RYR1: variants seen among roughly 807,000 people sequenced by gnomAD.
The protein encoded by RYR1 is ryanodine receptor 1.
In RYR1, 342 loss-of-function variants were observed where a neutral mutation model predicts 583.5. The ratio of observed to expected loss-of-function variants is 0.59; its 90% confidence interval spans 0.54 to 0.64. RYR1 has a LOEUF of 0.64. RYR1 is among the 30% of genes least tolerant of loss of function. RYR1 has a pLI of 0.00. For synonymous variants in RYR1, 2,791 were observed against 2,822.5 expected (o/e 0.99, Z 0.35); for missense variants, 6,032 against 6,917.2 (o/e 0.87, Z 4.54).
At chr19:38,528,926 C>T (rs763691180) in intron 75 of RYR1, 25 bp from the exon 76 acceptor site, 1 of 1,600,638 alleles carries the variant, frequency 6.2e-7, no homozygotes, top group Non-Finnish European at 8.5e-7. Flanking sequence ...GAAACCCTCT[C>T]CCCAAGTCTC....
At chr19:38,502,833 G>T (rs745905053) in intron 48 of RYR1, 47 bp from the exon 49 acceptor site, 7 of 1,579,944 alleles carry the variant, frequency 4.4e-6, no homozygotes, top group Non-Finnish European at 5.1e-6. Flanking sequence ...AGGGGCAGCA[G>T]AGCGGGCCTG....
chr19:38,478,218 C>T (rs1000371257), intron 30 of RYR1, among the ~76,000 whole-genome samples: 2 of 152,082 alleles, frequency 1.3e-5, no homozygotes, highest in East Asian at 1.9e-4. Context: ...CAGACCCCCA[C>T]CCCCATCCTG....
In RYR1 at chr19:38,433,786, C is replaced by CCCCCCCCCCCA; in HGVS notation, c.-44_-43insCCCCCCCCCCA. 6.9e-7 allele frequency: 1 copy of CCCCCCCCCCCA among 1,441,102 alleles called. No individual in the cohort carries two copies. 89.3% of individuals were successfully genotyped at this position (1,441,102 alleles called of 1,614,324 possible). A position where few individuals can be genotyped will look rare whatever the true frequency, so the allele number is the denominator to read the frequency against. On this transcript the variant is annotated 5_prime_UTR_variant, in exon 1 of 106. Coordinates refer to ENST00000359596, the MANE Select transcript of RYR1 (RefSeq NM_000540.3). ...TCCCGCCCAGCCCGCAGCCCCCTCC[C>CCCCCCCCCCCA]TCTGTTCCCCGACCTCAGACCCTGG...
In RYR1 at chr19:38,572,130, G is replaced by GCAGA; in HGVS notation, c.13859_13862dup (p.Glu4621AspfsTer5). On this transcript the variant is annotated frameshift_variant, in exon 95 of 106. Transcript: ENST00000359596. LOFTEE classifies it high-confidence loss of function. ...CTGGGGCTTGGGGGCCGGAGAGGAG[G>GCAGA]CAGAGGGCGATGAGGATGAGAACAT... The GCAGA allele has an allele frequency of 1.2e-6, 2 of 1,613,858 alleles. No individual in the cohort carries two copies. The highest frequency in any genetic ancestry group is 1.7e-6 in the Non-Finnish European group (2 of 1,179,968).
In RYR1 at chr19:38,466,227, G is replaced by A; in HGVS notation, c.3007G>A (p.Gly1003Ser). The change falls in exon 24 of 106, where the codon GGC (glycine) becomes AGC (serine). Residue 1003 changes from glycine to serine, a missense_variant. Coordinates refer to ENST00000359596, the MANE Select transcript of RYR1 (RefSeq NM_000540.3). ...NVWARDRVGQ[G>S]WSYSAVQDIP... The stretch of plus-strand genomic sequence containing the variant: ...GTGGGCCCGAGACCGCGTGGGCCAG[G>A]GCTGGAGCTACAGCGCAGTGCAGGA... 1 of 1,613,460 alleles carries A rather than the reference G, an allele frequency of 6.2e-7. No homozygotes were observed. Among genetic ancestry groups the A allele is most frequent in the African/African-American group, 1.3e-5 (1 of 75,036 alleles).
In RYR1 at chr19:38,483,783, C is replaced by T. The variant is rs1969138314; in HGVS notation, c.4934+267C>T. On this transcript the variant is annotated intron_variant, in intron 33 of 105. Coordinates refer to ENST00000359596, the MANE Select transcript of RYR1 (RefSeq NM_000540.3). This position sits in a 1 kb window ranked among gnomAD's most constrained non-coding sequence, Gnocchi z 6.3. ...GAACCCAGACAATACCCCAAGGACC[C>T]AGACCCACTCCACAGGGCCCCAAAC... Among the ~76,000 whole-genome samples the T allele has an allele frequency of 6.6e-6, 1 of 151,974 alleles. No homozygotes were observed. The highest frequency in any genetic ancestry group is 2.1e-4 in the South Asian group (1 of 4,828).
At chr19:38,504,645 G>T (rs866417077) in intron 50 of RYR1, 103 bp from the exon 51 acceptor site, 2 of 1,489,770 alleles carry the variant, frequency 1.3e-6, no homozygotes, top group Non-Finnish European at 9.3e-7. Context: ...CAGGTTTGGG[G>T]TTCAGGGAGG....
intron 90 of RYR1, among the ~76,000 whole-genome samples, chr19:38,563,742 G>C (rs142651949): frequency 6.6e-6 from 1 of 152,352 alleles, no homozygotes; most frequent in East Asian, 1.9e-4. Flanking sequence ...GCAGAATCAG[G>C]ATTTGAACCC....
rs547811862 is a variant in RYR1, at chr19:38,502,539, G to C, written c.7647G>C (p.Ala2549=). Residue 2549 remains alanine, a synonymous_variant, in exon 48 of 106, where the codon GCG becomes GCC. Transcript: ENST00000359596. ...ATFSTTEMAL[A]LNRYLCLAVL... is the part of the protein sequence containing the mutation. ...TCAGCACCACCGAGATGGCGCTGGC[G>C]CTGAACCGCTACCTGTGCCTGGCCG... 1 of 1,610,150 alleles carries C rather than the reference G, an allele frequency of 6.2e-7. No homozygotes were observed. The highest frequency in any genetic ancestry group is 1.1e-5 in the South Asian group (1 of 90,956).
intron 100 of RYR1, 72 bp downstream of exon 100, chr19:38,580,200 G>C (rs1974135924): frequency 1.2e-6 from 2 of 1,609,498 alleles, no homozygotes; most frequent in Non-Finnish European, 8.5e-7. Flanking sequence ...GAAGGGATAA[G>C]GGCCGGGCAG....
chr19:38,451,564 GAGAGAC>G (rs1568443622), intron 11 of RYR1, among the ~76,000 whole-genome samples, 194 bp from the exon 12 acceptor site: 1 of 152,162 alleles, frequency 6.6e-6, no homozygotes, highest in Non-Finnish European at 1.5e-5. Flanking sequence ...CAGGGACAGA[GAGAGAC>G]AGAGAGGAGA....
intron 70 of RYR1, among the ~76,000 whole-genome samples, chr19:38,524,967 G>T (rs1971403447): frequency 6.6e-6 from 1 of 152,178 alleles, no homozygotes; most frequent in Non-Finnish European, 1.5e-5. Context: ...AGCCAGGCAA[G>T]CATGGTGGTA....
Position 38,526,998 on chromosome 19 carries a change from C to T in RYR1, c.10632C>T (p.Asp3544=). ...GCCTGGCTCTGTCTCCCCAGAAAGA[C>T]ACAGATGAGGAGGTCCGGGAATTTC... ...TLAKTRYALK[D]TDEEVREFLH... Residue 3544 remains aspartate (D), a synonymous_variant, in exon 72 of 106, where the codon GAC becomes GAT. Coordinates refer to ENST00000359596, the MANE Select transcript of RYR1 (RefSeq NM_000540.3). The T allele has an allele frequency of 6.2e-7, 1 of 1,613,920 alleles. No homozygotes were observed. Among genetic ancestry groups the T allele is most frequent in the Non-Finnish European group, 8.5e-7 (1 of 1,179,880 alleles).
In RYR1 at chr19:38,548,429, G is replaced by A. The variant is rs2145790931; in HGVS notation, c.12282+9G>A. The A allele has an allele frequency of 1.2e-6, 2 of 1,612,214 alleles. No individual in the cohort carries two copies. On this transcript the variant is annotated intron_variant, in intron 89 of 105. Coordinates refer to ENST00000359596, the MANE Select transcript of RYR1 (RefSeq NM_000540.3). ...AGAAGGACTTCCAGAAGGTGGGTGT[G>A]GGACATCGTGTGGGCCCAGGACTTG... is the stretch of plus-strand genomic sequence containing the variant.
At chr19:38,439,266 A>G (rs1449152248) in intron 1 of RYR1, among the ~76,000 whole-genome samples, 1 of 150,754 alleles carries the variant, frequency 6.6e-6, no homozygotes, top group Non-Finnish European at 1.5e-5. Flanking sequence ...CTGGAGTGCA[A>G]TCTGGTGGTA....
chr19:38,573,081 C>T lies in RYR1; in HGVS notation c.13999-96C>T, dbSNP rs188765073. 1,008 of 1,583,272 alleles carry T rather than the reference C, an allele frequency of 6.4e-4. 3 individuals carry two copies. Among genetic ancestry groups the T allele is most frequent in the Non-Finnish European group, 5.4e-4 (627 of 1,159,388 alleles). On this transcript the variant is annotated intron_variant, in intron 95 of 105. Transcript: ENST00000359596. ...TGGGAAAGCACTTCTGATGTGGGGT[C>T]ACACACAGACCCCAGCAAGATGTCA...
At chr19:38,449,104 ACAGGGAAAGG>A (rs909157734) in intron 11 of RYR1, among the ~76,000 whole-genome samples, 4 of 152,218 alleles carry the variant, frequency 2.6e-5, no homozygotes, top group Admixed American at 2.0e-4. Flanking sequence ...CTGTAGACAG[ACAGGGAAAGG>A]CAGAGATAAA....
In RYR1 at chr19:38,496,810, A is replaced by G. The variant is rs34812626; in HGVS notation, c.6797-50A>G. 2,038 of 1,538,798 alleles carry G rather than the reference A, an allele frequency of 1.3e-3. 14 individuals are homozygous for G. In the African/African-American group the frequency reaches 0.025, roughly 19 times the overall value. ...GTGGTCAGGGAGGGCTTCCCAGAGGAGGCGAGACAAGCAGGAGTGAGATGT... is the reference window on the plus strand; with the variant it reads ...GTGGTCAGGGAGGGCTTCCCAGAGGGGGCGAGACAAGCAGGAGTGAGATGT... On this transcript the variant is annotated intron_variant, in intron 41 of 105. Transcript: ENST00000359596. This position sits in a 1 kb window ranked among gnomAD's most constrained non-coding sequence, Gnocchi z 4.8.
intron 23 of RYR1, 43 bp from the exon 24 acceptor site, chr19:38,466,048 G>A (rs1568461554): frequency 3.2e-6 from 5 of 1,567,468 alleles, no homozygotes; most frequent in East Asian, 2.4e-5. Context: ...GCCCGGAAGT[G>A]GAGGTGAGGG....
Sources: allele counts gnomAD v4.1 joint callset (sites outside exome capture counted in the v4.1 genomes callset), GRCh38; gene constraint gnomAD v4.1.1; non-coding constraint Gnocchi (gnomAD v3.1); transcripts MANE v1.5; gene names NCBI Gene and HGNC (gene_info 2026-07-23, HGNC 2026-07-21).